Variants in HSDL2 observed in about 807,000 individuals in gnomAD.
HSDL2 encodes hydroxysteroid dehydrogenase-like protein 2.
A neutral mutation model predicts 46.3 loss-of-function variants in HSDL2; 27 were observed. The ratio of observed to expected loss-of-function variants is 0.58; its 90% CI spans 0.43 to 0.80. HSDL2 has a LOEUF of 0.80. Ranked by LOEUF, HSDL2 falls within the 30% of genes least tolerant of loss-of-function variation. HSDL2 has a pLI of 0.00. For missense variants in HSDL2, 451 were observed against 502.7 expected (o/e 0.90, Z 0.98); for synonymous variants, 153 against 163.6 (o/e 0.94, Z 0.50).
rs1368456293 is a variant in HSDL2, at chr9:112,447,571, C to T, written c.865+5801C>T. ...GTAACTGCTAAAACGAAACACATGACCTGCCTTTGGAAACATGAAGGAAGC... is the reference window on the plus strand; with the variant it reads ...GTAACTGCTAAAACGAAACACATGATCTGCCTTTGGAAACATGAAGGAAGC... On this transcript the variant is annotated intron_variant, in intron 8 of 10. Transcript: ENST00000398805. Among the ~76,000 whole-genome samples, 5 of 152,132 alleles carry T rather than the reference C, an allele frequency of 3.3e-5. No homozygotes were observed. The South Asian group carries it at 6.2e-4, about 19-fold the overall frequency.
chr9:112,461,475 C>T (rs1162734090), intron 10 of HSDL2, among the ~76,000 whole-genome samples: 1 of 152,146 alleles, frequency 6.6e-6, no homozygotes. Context: ...ATTTAATAAA[C>T]GCTCAATGAA....
chr9:112,428,560 TTTG>T (rs1416017028), intron 6 of HSDL2, among the ~76,000 whole-genome samples: 2 of 152,112 alleles, frequency 1.3e-5, no homozygotes, highest in East Asian at 1.9e-4. Context: ...CCAGAGTTGT[TTTG>T]TTGTTGTTTT....
rs537647812 is a variant in HSDL2 at position 112,418,532 on chromosome 9, G to A, written c.500-328G>A. Among the ~76,000 whole-genome samples the A allele has an allele frequency of 1.2e-4, 18 of 145,952 alleles. 1 individual carries two copies. In the East Asian group the frequency reaches 3.0e-3, roughly 24 times the overall value. On this transcript the variant is annotated intron_variant, in intron 5 of 10. Coordinates refer to ENST00000398805, the MANE Select transcript of HSDL2 (RefSeq NM_032303.5). Reference sequence around the variant, plus strand: ...CAGGAGGTAGAGGCTGCAGTGAATCGTAATCACACCACTGCACTCCAGCCT... The same window carrying A: ...CAGGAGGTAGAGGCTGCAGTGAATCATAATCACACCACTGCACTCCAGCCT...
Position 112,408,937 on chromosome 9 carries a change from C to T in HSDL2, c.311C>T (p.Ala104Val). ...GATATTCTGGTAAATAATGCCAGTG[C>T]CATTAGTTTGACCAATACATTGGAC... Reference protein sequence around the residue: ...GIDILVNNASAISLTNTLDTP... With the variant: ...GIDILVNNASVISLTNTLDTP... Residue 104 changes from alanine to valine, a missense_variant, in exon 4 of 11, where the codon GCC becomes GTC. By Grantham distance (64) the Ala-to-Val change is moderately conservative. Transcript: ENST00000398805. 1 of 1,578,240 alleles carries T rather than the reference C, an allele frequency of 6.3e-7. No homozygotes were observed. Among genetic ancestry groups the T allele is most frequent in the East Asian group, 2.3e-5 (1 of 43,960 alleles).
chr9:112,393,949 A>T (rs1466963820), intron 1 of HSDL2, among the ~76,000 whole-genome samples: 1 of 152,240 alleles, frequency 6.6e-6, no homozygotes, highest in Non-Finnish European at 1.5e-5. Flanking sequence ...GTTTGAATCT[A>T]CGTTGATACT....
At chr9:112,464,616 G>C (rs1833322367) in intron 10 of HSDL2, among the ~76,000 whole-genome samples, 1 of 152,088 alleles carries the variant, frequency 6.6e-6, no homozygotes, top group Non-Finnish European at 1.5e-5. Context: ...CCATTTTGTA[G>C]CTGGGATTTT....
At position 112,408,966 on chromosome 9, in the gene HSDL2, C is replaced by G. The variant is rs1238942407; in HGVS notation, c.340C>G (p.Pro114Ala). ...TAGTTTGACCAATACATTGGACACA[C>G]CTACCAAGAGATTGGATCTGATGAT... Reference protein sequence around the residue: ...AISLTNTLDTPTKRLDLMMNV... With the variant: ...AISLTNTLDTATKRLDLMMNV... The change falls in exon 4 of 11, where the codon CCT (proline) becomes GCT (alanine). Residue 114 changes from proline to alanine, a missense_variant. Physicochemically the swap from Pro to Ala is conservative, Grantham distance 27. Transcript: ENST00000398805. 1 of 1,609,212 alleles carries G rather than the reference C, an allele frequency of 6.2e-7. No homozygotes were observed. Among genetic ancestry groups the G allele is most frequent in the Non-Finnish European group, 8.5e-7 (1 of 1,176,968 alleles).
At chr9:112,434,305 C>T (rs1469789833) in intron 6 of HSDL2, among the ~76,000 whole-genome samples, 2 of 152,086 alleles carry the variant, frequency 1.3e-5, no homozygotes, top group African/African-American at 4.8e-5. Context: ...GAGAGGAAGG[C>T]AGTAGAAGTA....
Position 112,450,027 on chromosome 9 carries a change from A to G in HSDL2, c.866-3986A>G, listed in dbSNP as rs142190835. Among the ~76,000 whole-genome samples, 1,109 of 152,284 alleles carry G rather than the reference A, an allele frequency of 7.3e-3. 17 individuals carry two copies. The highest frequency in any genetic ancestry group is 0.025 in the African/African-American group (1,043 of 41,550). On this transcript the variant is annotated intron_variant, in intron 8 of 10. Coordinates refer to ENST00000398805, the MANE Select transcript of HSDL2 (RefSeq NM_032303.5). ...TATTGTTATTTCTTTTAAAATAATGAAATAAAGTTTGTGCATTTATCCCCT... is the reference window on the plus strand; with the variant it reads ...TATTGTTATTTCTTTTAAAATAATGGAATAAAGTTTGTGCATTTATCCCCT...
chr9:112,418,021 G>A (rs748999691), intron 5 of HSDL2, among the ~76,000 whole-genome samples: 6 of 152,138 alleles, frequency 3.9e-5, no homozygotes, highest in Non-Finnish European at 8.8e-5. Context: ...AGTTTGCAGT[G>A]AGCCAAGATT....
chr9:112,463,758 T>G (rs1833285833), intron 10 of HSDL2, among the ~76,000 whole-genome samples: 1 of 152,080 alleles, frequency 6.6e-6, no homozygotes. Flanking sequence ...CCTCCTGGGT[T>G]CAAGCAATTC....
intron 9 of HSDL2, among the ~76,000 whole-genome samples, chr9:112,458,233 C>T (rs557476019): frequency 6.6e-6 from 1 of 152,220 alleles, no homozygotes; most frequent in East Asian, 1.9e-4. Context: ...ACTTTCAAAT[C>T]TCAGCTTCAA....
intron 10 of HSDL2, among the ~76,000 whole-genome samples, chr9:112,468,812 G>A (rs1304503667): frequency 6.6e-6 from 1 of 152,148 alleles, no homozygotes; most frequent in Non-Finnish European, 1.5e-5. Flanking sequence ...TCTTATCTGT[G>A]TTTTGGTTTT....
chr9:112,419,735 A>G (rs945667222), intron 6 of HSDL2, among the ~76,000 whole-genome samples: 1 of 152,156 alleles, frequency 6.6e-6, no homozygotes, highest in Admixed American at 6.5e-5. Flanking sequence ...ATTCTTCTGA[A>G]TTCACAGAGT....
chr9:112,453,498 T>C (rs1479321234), intron 8 of HSDL2, among the ~76,000 whole-genome samples: 1 of 152,158 alleles, frequency 6.6e-6, no homozygotes, highest in Non-Finnish European at 1.5e-5. Context: ...GCTCAAGTGA[T>C]CCTCTCACCT....
intron 8 of HSDL2, among the ~76,000 whole-genome samples, chr9:112,446,598 TC>T (rs1327838888): frequency 1.3e-5 from 2 of 152,162 alleles, no homozygotes; most frequent in African/African-American, 4.8e-5. Flanking sequence ...GCCATTGCAC[TC>T]CAGCCTGGGT....
At chr9:112,436,966 T>C (rs1045993321) in intron 6 of HSDL2, among the ~76,000 whole-genome samples, 3 of 143,812 alleles carry the variant, frequency 2.1e-5, no homozygotes, top group East Asian at 2.0e-4. Context: ...TTTTCTTTTT[T>C]TTTTTTTTTT....
chr9:112,424,320 CAA>C (rs34751911), intron 6 of HSDL2, among the ~76,000 whole-genome samples: 3 of 125,240 alleles, frequency 2.4e-5, no homozygotes, highest in Non-Finnish European at 3.3e-5. Context: ...GATTCCATCT[CAA>C]AAAAAAAAAA....
intron 9 of HSDL2, among the ~76,000 whole-genome samples, chr9:112,455,099 G>A (rs2132695221): frequency 6.6e-6 from 1 of 152,180 alleles, no homozygotes; most frequent in East Asian, 1.9e-4. Flanking sequence ...CAGGGATGGT[G>A]GCGTGCAGCT....
Sources: gnomAD v4.1 joint callset for allele counts (sites outside exome capture counted in the v4.1 genomes callset) on GRCh38, gnomAD v4.1.1 for gene constraint, MANE v1.5 for transcripts, NCBI Gene and HGNC (gene_info 2026-07-23, HGNC 2026-07-21) for gene names.